Variants in CHRM3 observed in about 807,000 individuals in gnomAD.
The protein encoded by CHRM3 is cholinergic receptor muscarinic 3.
Under a neutral mutation model 41.8 loss-of-function variants are expected in CHRM3, and 11 were observed. That is an observed-to-expected ratio of 0.26 (90% CI 0.17 to 0.44). CHRM3 has a LOEUF of 0.44. Ranked by LOEUF, CHRM3 falls within the 20% of genes least tolerant of loss-of-function variation. CHRM3 has a pLI of 1.00. For synonymous variants in CHRM3, 297 were observed against 301.4 expected (o/e 0.99, Z 0.15); for missense variants, 571 against 745.4 (o/e 0.77, Z 2.72).
chr1:239,461,424 G>A (rs545830521), intron 1 of CHRM3, among the ~76,000 whole-genome samples: 15 of 151,932 alleles, frequency 9.9e-5, no homozygotes, highest in Non-Finnish European at 2.1e-4. Context: ...GACAAAATTT[G>A]CAAAAGCTGA....
At chr1:239,416,010 C>A (rs1254816062) in intron 1 of CHRM3, among the ~76,000 whole-genome samples, 1 of 152,098 alleles carries the variant, frequency 6.6e-6, no homozygotes, top group Non-Finnish European at 1.5e-5. Context: ...TGCTATGGGG[C>A]CTACCTTCTT....
chr1:239,395,002 C>G (rs1659357920), intron 1 of CHRM3, among the ~76,000 whole-genome samples: 1 of 152,170 alleles, frequency 6.6e-6, no homozygotes, highest in South Asian at 2.1e-4. Context: ...GCAATGACTT[C>G]TCCAAAAGTC....
At chr1:239,397,173 G>A (rs1256477686) in intron 1 of CHRM3, among the ~76,000 whole-genome samples, 1 of 152,102 alleles carries the variant, frequency 6.6e-6, no homozygotes, top group Non-Finnish European at 1.5e-5. Context: ...TTGATGACAA[G>A]TTAAAATTAT....
intron 4 of CHRM3, among the ~76,000 whole-genome samples, chr1:239,677,367 G>T (rs1359031446): frequency 6.6e-6 from 1 of 152,200 alleles, no homozygotes; most frequent in Non-Finnish European, 1.5e-5. Flanking sequence ...TCGGTAAAGT[G>T]GGTGATTCTT....
At chr1:239,591,985 C>T (rs772222685) in intron 3 of CHRM3, among the ~76,000 whole-genome samples, 1 of 152,194 alleles carries the variant, frequency 6.6e-6, no homozygotes, top group Non-Finnish European at 1.5e-5. Context: ...CTGTTGGTCA[C>T]TCTTAAGCCC....
Position 239,883,515 on chromosome 1 carries a change from GCT to G in CHRM3, c.-19-23917_-19-23916del, listed in dbSNP as rs148619758. Among the ~76,000 whole-genome samples the G allele has an allele frequency of 6.0e-3, 918 of 152,270 alleles. 12 individuals are homozygous for G. Among genetic ancestry groups the G allele is most frequent in the African/African-American group, 0.021 (880 of 41,554 alleles). On this transcript the variant is annotated intron_variant, in intron 6 of 6. Coordinates refer to ENST00000676153, the MANE Select transcript of CHRM3 (RefSeq NM_001375978.1). ...AGCAAACACTGCTTGCTCTCTATGTGCTGAGCATTCTAACTGCTTACTAAATT... is the reference window on the plus strand; with the variant it reads ...AGCAAACACTGCTTGCTCTCTATGTGGAGCATTCTAACTGCTTACTAAATT...
At chr1:239,728,531 T>C (rs1043590465) in intron 5 of CHRM3, among the ~76,000 whole-genome samples, 1 of 152,036 alleles carries the variant, frequency 6.6e-6, no homozygotes, top group Non-Finnish European at 1.5e-5. Flanking sequence ...ACAATGGTAG[T>C]TCAGTTAAGT....
intron 3 of CHRM3, among the ~76,000 whole-genome samples, chr1:239,572,659 A>G (rs1420301362): frequency 6.6e-6 from 1 of 152,222 alleles, no homozygotes; most frequent in African/African-American, 2.4e-5. Flanking sequence ...CTTGTTCCCA[A>G]GGATAACAGG....
At chr1:239,695,262 C>T (rs903379710) in intron 5 of CHRM3, among the ~76,000 whole-genome samples, 4 of 152,096 alleles carry the variant, frequency 2.6e-5, no homozygotes, top group South Asian at 2.1e-4. Context: ...CACCCGCCTC[C>T]GCCTCCCAAA....
intron 2 of CHRM3, among the ~76,000 whole-genome samples, chr1:239,516,716 A>G (rs1669297298): frequency 6.6e-6 from 1 of 152,198 alleles, no homozygotes; most frequent in Non-Finnish European, 1.5e-5. Flanking sequence ...ATGGCCTATT[A>G]GGAACCAGGC....
intron 1 of CHRM3, among the ~76,000 whole-genome samples, chr1:239,393,555 C>T (rs1659227046): frequency 6.6e-6 from 1 of 152,100 alleles, no homozygotes; most frequent in Admixed American, 6.6e-5. Flanking sequence ...ATATGGAGTC[C>T]TCCTTTCTTC....
intron 5 of CHRM3, among the ~76,000 whole-genome samples, chr1:239,706,653 C>T (rs1661203332): frequency 6.8e-6 from 1 of 146,448 alleles, no homozygotes; most frequent in Non-Finnish European, 1.5e-5. Context: ...CACAGACATG[C>T]ACCCACACAC....
At chr1:239,426,831 G>A (rs1004592545) in intron 1 of CHRM3, among the ~76,000 whole-genome samples, 1 of 152,170 alleles carries the variant, frequency 6.6e-6, no homozygotes, top group African/African-American at 2.4e-5. Context: ...TGGAGAGGGG[G>A]AAACACATTT....
intron 2 of CHRM3, among the ~76,000 whole-genome samples, chr1:239,513,737 C>G (rs1458001393): frequency 6.6e-6 from 1 of 152,078 alleles, no homozygotes; most frequent in Admixed American, 6.5e-5. Context: ...CCGTTGTTAT[C>G]TTTTAGGAGT....
intron 2 of CHRM3, among the ~76,000 whole-genome samples, chr1:239,502,063 G>A (rs982133508): frequency 6.6e-6 from 1 of 151,856 alleles, no homozygotes; most frequent in Non-Finnish European, 1.5e-5. Flanking sequence ...CAGAAGAAAG[G>A]AAACAACCAA....
chr1:239,508,230 C>T lies in CHRM3; in HGVS notation c.-422+15423C>T, dbSNP rs948263156. Among the ~76,000 whole-genome samples, 4 of 152,118 alleles carry T rather than the reference C, an allele frequency of 2.6e-5. No homozygotes were observed. In the South Asian group the frequency reaches 8.3e-4, roughly 32 times the overall value. On this transcript the variant is annotated intron_variant, in intron 2 of 6. Coordinates refer to ENST00000676153, the MANE Select transcript of CHRM3 (RefSeq NM_001375978.1). ...TTTTCCATTTAAGAATAGTTACTAA[C>T]TGAATATAGGAGAACAATTATGAAG...
intron 5 of CHRM3, chr1:239,704,845 G>T (rs1660998928): frequency 6.6e-6 from 1 of 152,138 alleles, no homozygotes; most frequent in African/African-American, 2.4e-5. Flanking sequence ...TCTTCTTTGG[G>T]CTAAATGATA....
At position 239,800,733 on chromosome 1, in the gene CHRM3, C is replaced by T. The variant is rs566671910; in HGVS notation, c.-146-26519C>T. On this transcript the variant is annotated intron_variant, in intron 5 of 6. Coordinates refer to ENST00000676153, the MANE Select transcript of CHRM3 (RefSeq NM_001375978.1). ...TGTGGGTGGGCTGGGGTTCCAGAGC[C>T]GTGAGATGATCATAGTTCATTTTCC... is the stretch of plus-strand genomic sequence containing the variant. 1.1e-3 allele frequency among the ~76,000 whole-genome samples: 172 copies of T among 152,114 alleles called. 1 individual carries two copies. The highest frequency in any genetic ancestry group is 3.6e-3 in the African/African-American group (149 of 41,482).
chr1:239,701,745 C>T (rs1332253963), intron 5 of CHRM3, among the ~76,000 whole-genome samples: 1 of 152,022 alleles, frequency 6.6e-6, no homozygotes, highest in Admixed American at 6.6e-5. Context: ...CATCTCATTC[C>T]TTCCTAACCC....
Sources: gnomAD v4.1 joint callset for allele counts (sites outside exome capture counted in the v4.1 genomes callset) on GRCh38, gnomAD v4.1.1 for gene constraint, MANE v1.5 for transcripts, NCBI Gene and HGNC (gene_info 2026-07-23, HGNC 2026-07-21) for gene names.